The following RET variants were observed in gnomAD, a reference collection of about 807,000 sequenced individuals.
RET encodes proto-oncogene tyrosine-protein kinase receptor Ret.
Under a neutral mutation model 118.3 loss-of-function variants are expected in RET, and 19 were observed. That is an observed-to-expected ratio of 0.16 (90% CI 0.11 to 0.24). The LOEUF is 0.24. Ranked by LOEUF, RET falls within the 10% of genes least tolerant of loss-of-function variation. The pLI is 1.00. For synonymous variants in RET, 597 were observed against 644.1 expected, an observed-to-expected ratio of 0.93 and a Z score of 1.11; for missense variants, 1,219 against 1,502.1, an observed-to-expected ratio of 0.81 and a Z score of 3.12.
chr10:43,112,287 C>T (rs1365608835), intron 8 of RET, 63 bp downstream of exon 8: 3 of 1,511,752 alleles, frequency 2.0e-6, no homozygotes, highest in South Asian at 2.4e-5. Flanking sequence ...AAACGGGGTC[C>T]TGGGGCCCTG....
rs1837715953 is a variant in RET at position 43,104,630 on chromosome 10, T to G, written c.626-322T>G. On this transcript the variant is annotated intron_variant, in intron 3 of 19. Coordinates refer to ENST00000355710, the MANE Select transcript of RET (RefSeq NM_020975.6). The stretch of plus-strand genomic sequence containing the variant: ...AAGGCCACTCCTGATCAAGGCCAGG[T>G]GGGCGGAGGGGTGTCCCAGTCCCTA... 3.4e-5 allele frequency: 17 copies of G among 495,402 alleles called. No homozygotes were observed. In the South Asian group the frequency reaches 3.8e-4, roughly 11 times the overall value. The allele number at this position is 495,402 out of a possible 1,614,324, so 30.7% of individuals were successfully genotyped here. A position where few individuals can be genotyped will look rare whatever the true frequency, so the allele number is the denominator to read the frequency against.
rs55947360 is a variant in RET at position 43,119,669 on chromosome 10, G to T, written c.2531G>T (p.Arg844Leu). 8 of 1,613,272 alleles carry T rather than the reference G, an allele frequency of 5.0e-6. No homozygotes were observed. Among genetic ancestry groups the T allele is most frequent in the Non-Finnish European group, 6.8e-6 (8 of 1,179,966 alleles). ...AGCTCCCTGGACCACCCGGATGAGC[G>T]GGCCCTCACCATGGGCGACCTCATC... ...NSSSLDHPDE[R>L]ALTMGDLISF... The change falls in exon 14 of 20, where the codon CGG (arginine) becomes CTG (leucine). Residue 844 changes from arginine to leucine, a missense_variant. Arg to Leu is a moderately radical substitution (Grantham distance 102). Coordinates refer to ENST00000355710, the MANE Select transcript of RET (RefSeq NM_020975.6).
At chr10:43,098,423 T>C (rs1412779084) in intron 1 of RET, among the ~76,000 whole-genome samples, 7 of 145,028 alleles carry the variant, frequency 4.8e-5, no homozygotes, top group African/African-American at 1.6e-4. Context: ...TTTTCCTCCT[T>C]TTTTTTTTTT....
At chr10:43,095,989 G>A (rs571366280) in intron 1 of RET, among the ~76,000 whole-genome samples, 73 of 152,328 alleles carry the variant, frequency 4.8e-4, no homozygotes, top group Middle Eastern at 3.4e-3. Flanking sequence ...CATTTGCACC[G>A]TCGGTGGGTG....
chr10:43,103,560 G>A (rs1837689848), intron 3 of RET, among the ~76,000 whole-genome samples: 1 of 152,156 alleles, frequency 6.6e-6, no homozygotes, highest in African/African-American at 2.4e-5. Context: ...AGGTCACAGA[G>A]GCTGCACCGC....
intron 19 of RET, chr10:43,127,267 CAG>C (rs1838356356): frequency 1.9e-6 from 2 of 1,071,384 alleles, no homozygotes; most frequent in Non-Finnish European, 1.1e-6. Context: ...TGTCCTCCAT[CAG>C]GGGTAGCGAG....
At chr10:43,119,952 C>A (rs750863828) in intron 14 of RET, 129 bp from the exon 15 acceptor site, 22 of 1,432,740 alleles carry the variant, frequency 1.5e-5, no homozygotes, top group African/African-American at 1.4e-5. Flanking sequence ...CCATGCCACA[C>A]CCCCGGCCCA....
At position 43,109,109 on chromosome 10, in the gene RET, T is replaced by G. The variant is rs139813765; in HGVS notation, c.1142T>G (p.Phe381Cys). The G allele has an allele frequency of 2.5e-6, 4 of 1,613,906 alleles. No individual in the cohort carries two copies. In the African/African-American group the frequency reaches 5.3e-5, roughly 22 times the overall value. The change falls in exon 6 of 20, where the codon TTC becomes TGC. Residue 381 changes from phenylalanine (F) to cysteine (C), a missense_variant. Around this residue, in one of 5 missense-constraint regions of RET, gnomAD observed 850 missense variants for 969.6 expected, o/e 0.88. Transcript: ENST00000355710. The stretch of plus-strand genomic sequence containing the variant: ...GCGGTGCTGGTCAATGACTCAGACT[T>G]CCAGGGCCCAGGAGCGGGCGTCCTC... ...QLAVLVNDSD[F>C]QGPGAGVLLL...
rs7358114 is a variant in RET, at chr10:43,112,666, C to T, written c.1649-187C>T. Among the ~76,000 whole-genome samples the T allele has an allele frequency of 0.019, 2,920 of 152,320 alleles. 91 individuals carry two copies. The highest frequency in any genetic ancestry group is 0.066 in the African/African-American group (2,759 of 41,568). ...TAAGGGCCACCTGTGTGAGGAACCCCCCATACCTCCTCTCCCATAAGCCAT... is the reference window on the plus strand; with the variant it reads ...TAAGGGCCACCTGTGTGAGGAACCCTCCATACCTCCTCTCCCATAAGCCAT... On this transcript the variant is annotated intron_variant, in intron 8 of 19. Coordinates refer to ENST00000355710, the MANE Select transcript of RET (RefSeq NM_020975.6).
chr10:43,097,898 G>T (rs1837555889), intron 1 of RET, among the ~76,000 whole-genome samples: 1 of 152,090 alleles, frequency 6.6e-6, no homozygotes, highest in African/African-American at 2.4e-5. Flanking sequence ...CAACCGTCTG[G>T]GTGGGAGCAA....
At chr10:43,086,166 A>T (rs1196195053) in intron 1 of RET, among the ~76,000 whole-genome samples, 1 of 152,060 alleles carries the variant, frequency 6.6e-6, no homozygotes, top group Admixed American at 6.5e-5. Flanking sequence ...GGCCTCCAGC[A>T]GGGTACCTAA....
rs527740544 is a variant in RET at position 43,085,481 on chromosome 10, C to G, written c.73+8150C>G. ...CCCCATGTCCCTCACCCCCCAGGGG[C>G]CACCTAGGCCAGAGCCTGTCCTGAT... On this transcript the variant is annotated intron_variant, in intron 1 of 19. Coordinates refer to ENST00000355710, the MANE Select transcript of RET (RefSeq NM_020975.6). Among the ~76,000 whole-genome samples the G allele has an allele frequency of 4.6e-5, 7 of 152,326 alleles. No individual in the cohort carries two copies. In the East Asian group the frequency reaches 1.4e-3, roughly 29 times the overall value.
chr10:43,082,757 C>G (rs1223531914), intron 1 of RET, among the ~76,000 whole-genome samples: 2 of 152,230 alleles, frequency 1.3e-5, no homozygotes, highest in Admixed American at 6.5e-5. Flanking sequence ...GATTCTCGCC[C>G]TTGTGTTCCT....
Position 43,114,246 on chromosome 10 carries a change from T to C in RET, c.1880-234T>C, listed in dbSNP as rs1200536715. On this transcript the variant is annotated intron_variant, in intron 10 of 19. Transcript: ENST00000355710. This position sits in a 1 kb window ranked among gnomAD's most constrained non-coding sequence, Gnocchi z 4.6. ...TGTGACCTTGGCAGGCTGCTCAGCC[T>C]CTCTGAGCCTCTGTCTCCATCTGTA... Among the ~76,000 whole-genome samples, 1 of 152,152 alleles carries C rather than the reference T, an allele frequency of 6.6e-6. No individual in the cohort carries two copies. The highest frequency in any genetic ancestry group is 6.5e-5 in the Admixed American group (1 of 15,282).
At chr10:43,097,727 C>A (rs1476743338) in intron 1 of RET, among the ~76,000 whole-genome samples, 4 of 152,182 alleles carry the variant, frequency 2.6e-5, no homozygotes, top group Non-Finnish European at 4.4e-5. Context: ...TTCTATTTTC[C>A]CACTGTGGGA....
chr10:43,100,330 C>T (rs1837608712), intron 1 of RET, 129 bp from the exon 2 acceptor site: 5 of 1,057,994 alleles, frequency 4.7e-6, no homozygotes, highest in Admixed American at 2.0e-5. Context: ...ATTGAGTGTT[C>T]ATGTTCTCAG....
chr10:43,127,477 T>G lies in RET; in HGVS notation c.3188-635T>G, dbSNP rs182101415. On this transcript the variant is annotated intron_variant, in intron 19 of 19. Coordinates refer to ENST00000355710, the MANE Select transcript of RET (RefSeq NM_020975.6). ...TATGGTTCTTGCCAAAACTCCTTCT[T>G]TTGTCTTTGATTAAATACTAGAAAT... The G allele has an allele frequency of 5.6e-5, 58 of 1,044,142 alleles. No individual in the cohort carries two copies. The African/African-American group carries it at 8.4e-4, about 15-fold the overall frequency. The allele number at this position is 1,044,142 out of a possible 1,614,324, so 64.7% of individuals were successfully genotyped here. A position where few individuals can be genotyped will look rare whatever the true frequency, so the allele number is the denominator to read the frequency against.
intron 1 of RET, among the ~76,000 whole-genome samples, chr10:43,088,944 C>G (rs534107091): frequency 3.5e-4 from 53 of 152,370 alleles, no homozygotes; most frequent in Non-Finnish European, 6.3e-4. Flanking sequence ...CACTCTGGCT[C>G]TGCCCCCAGC....
intron 2 of RET, among the ~76,000 whole-genome samples, chr10:43,101,897 GCC>G (rs1288054561): frequency 1.3e-5 from 2 of 152,372 alleles, no homozygotes; most frequent in African/African-American, 4.8e-5. Flanking sequence ...AGCCCTCGCA[GCC>G]CAGCTGAAAT....
Sources: gnomAD v4.1 joint callset for allele counts (sites outside exome capture counted in the v4.1 genomes callset) on GRCh38, gnomAD v4.1.1 for gene constraint, gnomAD v4.1.1 regional missense constraint, Gnocchi (gnomAD v3.1) non-coding constraint, MANE v1.5 for transcripts, NCBI Gene and HGNC (gene_info 2026-07-23, HGNC 2026-07-21) for gene names.